The following STK17A variants were observed in gnomAD, a reference collection of about 807,000 sequenced individuals.
The protein encoded by STK17A is serine/threonine kinase 17a.
Under a neutral mutation model 43.7 loss-of-function variants are expected in STK17A, and 26 were observed. The observed-to-expected ratio is 0.60, with a 90% confidence interval of 0.44 to 0.83. The LOEUF (loss-of-function observed/expected upper bound fraction) is 0.83, where lower values mean the gene tolerates loss of function less well. Among genes scored for constraint, STK17A ranks in the 40% least tolerant of loss-of-function variants. The pLI, the probability that STK17A is intolerant of heterozygous loss-of-function variation, is 0.00. For missense variants in STK17A, 476 were observed against 511.6 expected, an observed-to-expected ratio of 0.93 and a Z score of 0.67; for synonymous variants, 191 against 182.5, an observed-to-expected ratio of 1.05 and a Z score of -0.38.
chr7:43,597,130 T>G (rs1473209849), intron 2 of STK17A, among the ~76,000 whole-genome samples: 1 of 152,186 alleles, frequency 6.6e-6, no homozygotes, highest in East Asian at 1.9e-4. Flanking sequence ...TGCTTGAATA[T>G]ATAACCAGAT....
chr7:43,590,665 T>C (rs970131767), intron 1 of STK17A, among the ~76,000 whole-genome samples: 4 of 151,548 alleles, frequency 2.6e-5, no homozygotes, highest in African/African-American at 9.7e-5. Context: ...GTTTGGCTTT[T>C]GAGTCAACAA....
chr7:43,590,316 A>G (rs979975196), intron 1 of STK17A, among the ~76,000 whole-genome samples: 1 of 151,372 alleles, frequency 6.6e-6, no homozygotes, highest in East Asian at 1.9e-4. Flanking sequence ...ATGAAGCCCA[A>G]ACTCCTTAGC....
At chr7:43,605,045 C>T (rs1278553670) in intron 2 of STK17A, among the ~76,000 whole-genome samples, 2 of 152,136 alleles carry the variant, frequency 1.3e-5, no homozygotes, top group African/African-American at 4.8e-5. Flanking sequence ...TTTTTGTAAC[C>T]TCCATCTCTT....
intron 2 of STK17A, among the ~76,000 whole-genome samples, chr7:43,601,512 C>T (rs11771022): frequency 0.096 from 14,548 of 152,152 alleles, 771 homozygotes; most frequent in Admixed American, 0.17. Flanking sequence ...GAAAAGACCA[C>T]CTGAAATTTC....
intron 3 of STK17A, among the ~76,000 whole-genome samples, chr7:43,613,789 G>A (rs1782544781): frequency 6.6e-6 from 1 of 152,100 alleles, no homozygotes; most frequent in African/African-American, 2.4e-5. Context: ...GGCTGCAGTG[G>A]GCTATGATTG....
intron 3 of STK17A, among the ~76,000 whole-genome samples, chr7:43,612,622 G>C (rs181993972): frequency 6.6e-5 from 10 of 152,194 alleles, no homozygotes; most frequent in Admixed American, 6.5e-4. Context: ...GGAAACTCCT[G>C]TCCCTGTGAC....
chr7:43,607,115 G>T lies in STK17A; in HGVS notation c.420-1141G>T, dbSNP rs538673274. Among the ~76,000 whole-genome samples, 13 of 151,022 alleles carry T rather than the reference G, an allele frequency of 8.6e-5. No homozygotes were observed. In the East Asian group the frequency reaches 2.5e-3, roughly 30 times the overall value. On this transcript the variant is annotated intron_variant, in intron 2 of 6. Transcript: ENST00000319357. ...ATTTTGTATTTTTAGTAGAGACAGGGCTTCTCCATGTTGGTCACGCTGGTC... is the reference window on the plus strand; with the variant it reads ...ATTTTGTATTTTTAGTAGAGACAGGTCTTCTCCATGTTGGTCACGCTGGTC...
rs180797743 is a variant in STK17A, at chr7:43,597,445, T to C, written c.419+1332T>C. ...CTCTTGTTGCCCAGACTGGAGTGCA[T>C]TGGCACAATCTCGGCTTACTGCAGC... On this transcript the variant is annotated intron_variant, in intron 2 of 6. Coordinates refer to ENST00000319357, the MANE Select transcript of STK17A (RefSeq NM_004760.3). Among the ~76,000 whole-genome samples the C allele has an allele frequency of 3.9e-5, 6 of 152,226 alleles. No individual in the cohort carries two copies. In the East Asian group the frequency reaches 9.7e-4, roughly 24 times the overall value.
At chr7:43,605,628 G>A (rs1279451782) in intron 2 of STK17A, among the ~76,000 whole-genome samples, 1 of 151,754 alleles carries the variant, frequency 6.6e-6, no homozygotes, top group Non-Finnish European at 1.5e-5. Flanking sequence ...CTCCCAGTCT[G>A]TCTTCTCAGC....
intron 2 of STK17A, among the ~76,000 whole-genome samples, chr7:43,606,729 G>A (rs1279741022): frequency 4.6e-5 from 7 of 151,962 alleles, no homozygotes; most frequent in African/African-American, 1.7e-4. Context: ...TAACATCTCA[G>A]ATTGTTCTTT....
At chr7:43,592,936 A>T (rs2082489734) in intron 1 of STK17A, among the ~76,000 whole-genome samples, 2 of 152,164 alleles carry the variant, frequency 1.3e-5, no homozygotes, top group Non-Finnish European at 2.9e-5. Context: ...AAAGCTTTTT[A>T]AAAAAATAGA....
At chr7:43,589,682 C>T (rs996897452) in intron 1 of STK17A, among the ~76,000 whole-genome samples, 2 of 142,416 alleles carry the variant, frequency 1.4e-5, no homozygotes, top group African/African-American at 2.5e-5. Context: ...TTCCTTTCTC[C>T]TCTCATCTCT....
chr7:43,584,949 C>A (rs988103697), intron 1 of STK17A, among the ~76,000 whole-genome samples: 4 of 152,212 alleles, frequency 2.6e-5, no homozygotes, highest in Non-Finnish European at 4.4e-5. Context: ...ATAATCCCAG[C>A]CCTTTGGGAG....
In STK17A at chr7:43,583,164, C is replaced by A; in HGVS notation, c.-80C>A. 1 of 1,472,052 alleles carries A rather than the reference C, an allele frequency of 6.8e-7. No individual in the cohort carries two copies. Among genetic ancestry groups the A allele is most frequent in the Non-Finnish European group, 9.1e-7 (1 of 1,094,122 alleles). The allele number at this position is 1,472,052 out of a possible 1,614,324, so 91.2% of individuals were successfully genotyped here. ...TGTTTGAAGGCTCCGCGGACCGGCA[C>A]TAGGAGCCGGGGGCGGGTCCGTGAC... is the stretch of plus-strand genomic sequence containing the variant. On this transcript the variant is annotated 5_prime_UTR_variant, in exon 1 of 7. Coordinates refer to ENST00000319357, the MANE Select transcript of STK17A (RefSeq NM_004760.3).
Position 43,583,267 on chromosome 7 carries a change from C to T in STK17A, c.24C>T (p.Gly8=), listed in dbSNP as rs1412922106. 5.2e-6 allele frequency: 8 copies of T among 1,545,626 alleles called. No homozygotes were observed. The highest frequency in any genetic ancestry group is 6.1e-6 in the Non-Finnish European group (7 of 1,148,712). The stretch of plus-strand genomic sequence containing the variant: ...CCATGATCCCTTTGGAGAAGCCAGG[C>T]AGCGGCGGCTCCTCCCCAGGCGCCA... MIPLEKP[G]SGGSSPGATS... Residue 8 remains glycine, a synonymous_variant, in exon 1 of 7, where the codon GGC becomes GGT. Transcript: ENST00000319357.
rs2084160638 is a variant in STK17A, at chr7:43,623,632, T to A, written c.740+12T>A. 6.2e-7 allele frequency: 1 copy of A among 1,608,550 alleles called. No homozygotes were observed. Among genetic ancestry groups the A allele is most frequent in the African/African-American group, 1.3e-5 (1 of 74,770 alleles). On this transcript the variant is annotated intron_variant, in intron 5 of 6. Coordinates refer to ENST00000319357, the MANE Select transcript of STK17A (RefSeq NM_004760.3). ...GCAACAGATATGTGGTAAGAGTTATTAATGAAAAATTGATCAAATTAGTTT... is the reference window on the plus strand; with the variant it reads ...GCAACAGATATGTGGTAAGAGTTATAAATGAAAAATTGATCAAATTAGTTT...
rs948324434 is a variant in STK17A at position 43,596,617 on chromosome 7, G to A, written c.419+504G>A. ...CGTGGTGACTCATGCCTGTAATCCCGGCACTTTGAGAGGCCGAGGCAGGAG... is the reference window on the plus strand; with the variant it reads ...CGTGGTGACTCATGCCTGTAATCCCAGCACTTTGAGAGGCCGAGGCAGGAG... On this transcript the variant is annotated intron_variant, in intron 2 of 6. Transcript: ENST00000319357. Among the ~76,000 whole-genome samples, 8 of 151,544 alleles carry A rather than the reference G, an allele frequency of 5.3e-5. No homozygotes were observed. The South Asian group carries it at 1.3e-3, about 24-fold the overall frequency.
intron 4 of STK17A, 177 bp from the exon 5 acceptor site, chr7:43,623,395 A>G: frequency 1.7e-6 from 1 of 584,038 alleles, no homozygotes. Context: ...AAACAAGTTA[A>G]TTACAAACAT....
chr7:43,621,727 A>C (rs1234465299), intron 4 of STK17A, among the ~76,000 whole-genome samples: 2 of 152,134 alleles, frequency 1.3e-5, no homozygotes, highest in Admixed American at 6.6e-5. Flanking sequence ...GTAAATTTTA[A>C]ATTTTCTATC....
Sources: gnomAD v4.1 joint callset for allele counts (sites outside exome capture counted in the v4.1 genomes callset) on GRCh38, gnomAD v4.1.1 for gene constraint, MANE v1.5 for transcripts, NCBI Gene and HGNC (gene_info 2026-07-23, HGNC 2026-07-21) for gene names.